The following BMP6 variants were observed in gnomAD, a reference collection of about 807,000 sequenced individuals.
The protein encoded by BMP6 is VG-1-R.
BMP6 carries 17 observed loss-of-function variants against 54.1 expected under a neutral mutation model. The observed-to-expected ratio is 0.31, with a 90% CI of 0.22 to 0.47. The LOEUF is 0.47. Ranked by LOEUF, BMP6 falls within the 20% of genes least tolerant of loss-of-function variation. The pLI, the probability that BMP6 is intolerant of heterozygous loss-of-function variation, is 1.00. For missense variants in BMP6, 720 were observed against 690.4 expected (o/e 1.04, Z -0.48); for synonymous variants, 328 against 291.2 (o/e 1.13, Z -1.28).
intron 1 of BMP6, among the ~76,000 whole-genome samples, chr6:7,774,556 C>A (rs541119268): frequency 4.4e-4 from 67 of 151,678 alleles, no homozygotes; most frequent in Admixed American, 3.9e-3. Context: ...TGTCTCAAAA[C>A]AAAACAAAAA....
At chr6:7,764,891 C>T (rs1757663090) in intron 1 of BMP6, among the ~76,000 whole-genome samples, 1 of 152,180 alleles carries the variant, frequency 6.6e-6, no homozygotes, top group Admixed American at 6.5e-5. Flanking sequence ...TACTTTATGC[C>T]TGGAGATCTT....
intron 1 of BMP6, among the ~76,000 whole-genome samples, chr6:7,844,879 CAAATTCATT>C (rs1242087300): frequency 2.0e-5 from 3 of 152,180 alleles, no homozygotes; most frequent in Non-Finnish European, 4.4e-5. Flanking sequence ...TGCTCTCATG[CAAATTCATT>C]CAAATAAGTA....
chr6:7,828,312 G>A (rs914020338), intron 1 of BMP6, among the ~76,000 whole-genome samples: 2 of 152,170 alleles, frequency 1.3e-5, no homozygotes, highest in African/African-American at 4.8e-5. Flanking sequence ...GCAAGGACGT[G>A]GGGATCCAAG....
intron 1 of BMP6, among the ~76,000 whole-genome samples, chr6:7,787,390 C>T (rs1758035625): frequency 6.6e-6 from 1 of 152,138 alleles, no homozygotes; most frequent in Non-Finnish European, 1.5e-5. Context: ...GAAAACAATC[C>T]TTAAAGGCGT....
intron 1 of BMP6, among the ~76,000 whole-genome samples, chr6:7,813,108 A>AAAATATATATATATAT (rs1554122651): frequency 4.7e-5 from 1 of 21,496 alleles, no homozygotes; most frequent in Non-Finnish European, 7.6e-5. Context: ...AAAAAAAAAA[A>AAAATATATATATATAT]ATATATATAT....
chr6:7,835,006 T>C (rs953929324), intron 1 of BMP6, among the ~76,000 whole-genome samples: 3 of 152,128 alleles, frequency 2.0e-5, no homozygotes, highest in Non-Finnish European at 4.4e-5. Flanking sequence ...CCGGGCAGAA[T>C]GAATAAAAAG....
intron 1 of BMP6, among the ~76,000 whole-genome samples, chr6:7,796,716 C>A (rs777158657): frequency 1.1e-4 from 17 of 152,168 alleles, no homozygotes; most frequent in East Asian, 3.9e-4. Flanking sequence ...CTTAGTAGAA[C>A]CAATACATAA....
Position 7,855,553 on chromosome 6 carries a change from CTTTTTT to C in BMP6, c.858-5876_858-5871del, listed in dbSNP as rs778898901. On this transcript the variant is annotated intron_variant, in intron 2 of 6. Coordinates refer to ENST00000283147, the MANE Select transcript of BMP6 (RefSeq NM_001718.6). Reference sequence around the variant, plus strand: ...TTAATCTCAATCTCTCTCTCTCTCTCTTTTTTTTTTTTTTTTTTTTTTTTTTTGAGA... The same window carrying C: ...TTAATCTCAATCTCTCTCTCTCTCTCTTTTTTTTTTTTTTTTTTTTTGAGA... 2.8e-3 allele frequency among the ~76,000 whole-genome samples: 290 copies of C among 104,960 alleles called. 6 individuals are homozygous for C. Among genetic ancestry groups the C allele is most frequent in the Admixed American group, 0.022 (204 of 9,326 alleles). The allele number at this position is 104,960 out of a possible 152,430, so 68.9% of individuals were successfully genotyped here.
At chr6:7,831,594 T>C (rs192015562) in intron 1 of BMP6, among the ~76,000 whole-genome samples, 144 of 152,356 alleles carry the variant, frequency 9.5e-4, no homozygotes, top group Admixed American at 2.0e-3. Flanking sequence ...TTGAGTATAA[T>C]TGAAGTAATT....
At chr6:7,791,167 G>T (rs1758100938) in intron 1 of BMP6, among the ~76,000 whole-genome samples, 1 of 152,178 alleles carries the variant, frequency 6.6e-6, no homozygotes, top group Non-Finnish European at 1.5e-5. Context: ...TTGTATGAGA[G>T]GATGGCAAAG....
At chr6:7,861,722 T>G in intron 3 of BMP6, 123 bp downstream of exon 3, 1 of 1,374,524 alleles carries the variant, frequency 7.3e-7, no homozygotes, top group Non-Finnish European at 1.0e-6. Context: ...TGGCCTCATT[T>G]ACTGATCCCC....
At chr6:7,862,596 C>A in intron 4 of BMP6, 98 bp downstream of exon 4, 1 of 1,467,264 alleles carries the variant, frequency 6.8e-7, no homozygotes, top group Non-Finnish European at 9.3e-7. Flanking sequence ...AGCTTCTGCA[C>A]AGCAAATCCA....
chr6:7,851,452 C>A lies in BMP6; in HGVS notation c.857+6120C>A, dbSNP rs978751997. Among the ~76,000 whole-genome samples the A allele has an allele frequency of 2.0e-5, 3 of 152,176 alleles. No homozygotes were observed. The East Asian group carries it at 5.8e-4, about 29-fold the overall frequency. On this transcript the variant is annotated intron_variant, in intron 2 of 6. Transcript: ENST00000283147. ...ATTGATTTTAATTTGTATCCAGCAACCTTGCAAATTTACATGTTAATTCGA... is the reference window on the plus strand; with the variant it reads ...ATTGATTTTAATTTGTATCCAGCAAACTTGCAAATTTACATGTTAATTCGA...
At chr6:7,755,264 CCT>C (rs150469618) in intron 1 of BMP6, among the ~76,000 whole-genome samples, 12,365 of 152,130 alleles carry the variant, frequency 0.081, 606 homozygotes, top group Admixed American at 0.12. Flanking sequence ...TCCCTTCCCC[CCT>C]TTTTCTGCCT....
intron 1 of BMP6, among the ~76,000 whole-genome samples, chr6:7,744,902 A>G (rs2113121743): frequency 6.6e-6 from 1 of 152,336 alleles, no homozygotes; most frequent in East Asian, 1.9e-4. Flanking sequence ...TTAAGCCAGA[A>G]GTCATGAAAT....
At chr6:7,851,366 G>T (rs898759608) in intron 2 of BMP6, among the ~76,000 whole-genome samples, 2 of 151,992 alleles carry the variant, frequency 1.3e-5, no homozygotes, top group Non-Finnish European at 2.9e-5. Flanking sequence ...TGTTGTAAAT[G>T]GTATTAATAG....
chr6:7,864,158 T>G (rs1364951478), intron 4 of BMP6, among the ~76,000 whole-genome samples: 1 of 152,212 alleles, frequency 6.6e-6, no homozygotes, highest in Non-Finnish European at 1.5e-5. Context: ...ACCCAGACAC[T>G]TCTGACTCTA....
chr6:7,871,595 A>G (rs975134824), intron 4 of BMP6, among the ~76,000 whole-genome samples: 1 of 152,192 alleles, frequency 6.6e-6, no homozygotes, highest in African/African-American at 2.4e-5. Context: ...TGAGGGGGAA[A>G]ATTGCCTCTG....
At chr6:7,871,431 G>A (rs968637578) in intron 4 of BMP6, among the ~76,000 whole-genome samples, 2 of 152,208 alleles carry the variant, frequency 1.3e-5, no homozygotes, top group African/African-American at 4.8e-5. Context: ...GTTACCTTCT[G>A]CTTATGGAAG....
Sources: allele counts gnomAD v4.1 joint callset (sites outside exome capture counted in the v4.1 genomes callset), GRCh38; gene constraint gnomAD v4.1.1; transcripts MANE v1.5; gene names NCBI Gene and HGNC (gene_info 2026-07-23, HGNC 2026-07-21).